Variants in GRIP1 observed in about 807,000 individuals in gnomAD.
GRIP1 encodes the protein glutamate receptor interacting protein 1.
A neutral mutation model predicts 129.9 loss-of-function variants in GRIP1; 45 were observed. That is an observed-to-expected ratio of 0.35 (90% CI 0.27 to 0.44). The LOEUF (loss-of-function observed/expected upper bound fraction) is 0.44. GRIP1 is among the 20% of genes least tolerant of loss of function. GRIP1 has a pLI of 1.00. For synonymous variants in GRIP1, 530 were observed against 520.8 expected (o/e 1.02, Z -0.24); for missense variants, 1,196 against 1,396.8 (o/e 0.86, Z 2.29).
At chr12:66,636,256 G>A (rs1469752885) in intron 1 of GRIP1, among the ~76,000 whole-genome samples, 1 of 152,152 alleles carries the variant, frequency 6.6e-6, no homozygotes, top group Non-Finnish European at 1.5e-5. Context: ...GCTGACAGGA[G>A]AGGGAACGGG....
At chr12:67,069,334 G>C (rs1242368173), upstream of GRIP1, among the ~76,000 whole-genome samples, 1 of 126,108 alleles carries the variant, frequency 7.9e-6, no homozygotes, top group African/African-American at 2.9e-5. Context: ...GGCGGCGGCC[G>C]GGCCGGGCCG....
intron 1 of GRIP1, among the ~76,000 whole-genome samples, chr12:66,840,321 C>A (rs959853373): frequency 3.3e-5 from 5 of 152,094 alleles, no homozygotes; most frequent in African/African-American, 1.2e-4. Flanking sequence ...TATTAAGGAA[C>A]AATAATGAGC....
chr12:66,853,056 A>G (rs888167869), intron 1 of GRIP1, among the ~76,000 whole-genome samples: 6 of 151,744 alleles, frequency 4.0e-5, no homozygotes, highest in African/African-American at 1.5e-4. Context: ...TTCCCTCAAT[A>G]AGCATGAAAA....
chr12:66,793,281 T>C (rs969951876), intron 1 of GRIP1, among the ~76,000 whole-genome samples: 1 of 152,182 alleles, frequency 6.6e-6, no homozygotes, highest in Non-Finnish European at 1.5e-5. Flanking sequence ...CACAGGACAA[T>C]GTCACAGCCC....
chr12:66,497,776 C>T (rs886352140), intron 7 of GRIP1, among the ~76,000 whole-genome samples: 12 of 152,098 alleles, frequency 7.9e-5, no homozygotes, highest in Non-Finnish European at 1.5e-4. Context: ...GAACTGTGTA[C>T]GTCAGGCCTC....
chr12:66,377,484 C>T lies in GRIP1; in HGVS notation c.2622-199G>A, dbSNP rs373907929. Among the ~76,000 whole-genome samples, 18 of 150,930 alleles carry T rather than the reference C, an allele frequency of 1.2e-4. No homozygotes were observed. In the East Asian group the frequency reaches 3.5e-3, roughly 29 times the overall value. ...CTGGGACTACAGGCGCCTGCCACCA[C>T]GCCTGGCTAATTTTTTTTTTTTTTT... On this transcript the variant is annotated intron_variant, in intron 20 of 24. Transcript: ENST00000359742.
intron 1 of GRIP1, among the ~76,000 whole-genome samples, chr12:66,931,709 A>C (rs2041398876): frequency 6.6e-6 from 1 of 152,216 alleles, no homozygotes; most frequent in Non-Finnish European, 1.5e-5. Context: ...ATTCAACCCC[A>C]GAAATTAGAA....
At chr12:66,369,706 C>T (rs905732153) in intron 23 of GRIP1, among the ~76,000 whole-genome samples, 1 of 152,104 alleles carries the variant, frequency 6.6e-6, no homozygotes, top group African/African-American at 2.4e-5. Context: ...AACAGAACTG[C>T]ACAGAAGAGG....
At chr12:66,697,258 T>C (rs557821953) in intron 1 of GRIP1, among the ~76,000 whole-genome samples, 7 of 152,202 alleles carry the variant, frequency 4.6e-5, no homozygotes, top group Non-Finnish European at 1.0e-4. Flanking sequence ...CTGTAACTTA[T>C]TTCCTTTTGC....
In GRIP1 at chr12:66,531,266, T is replaced by A. The variant is rs1167248013; in HGVS notation, c.419-1352A>T. Among the ~76,000 whole-genome samples, 2 of 10,142 alleles carry A rather than the reference T, an allele frequency of 2.0e-4. 1 individual carries two copies. The highest frequency in any genetic ancestry group is 6.4e-3 in the East Asian group (2 of 312). 6.7% of individuals were successfully genotyped at this position (10,142 alleles called of 152,430 possible). A position where few individuals can be genotyped will look rare whatever the true frequency, so the allele number is the denominator to read the frequency against. ...AAAAAAAAAAAAATATATATATATATATATATATATATATATATATATATA... is the reference window on the plus strand; with the variant it reads ...AAAAAAAAAAAAATATATATATATAAATATATATATATATATATATATATA... On this transcript the variant is annotated intron_variant, in intron 4 of 24. Transcript: ENST00000359742.
chr12:66,684,217 A>T (rs113231524), intron 1 of GRIP1, among the ~76,000 whole-genome samples: 12 of 152,334 alleles, frequency 7.9e-5, no homozygotes, highest in African/African-American at 2.9e-4. Flanking sequence ...ACTCTTCCTT[A>T]AATTAGCTCC....
In GRIP1 at chr12:66,407,089, T is replaced by C. The variant is rs150476652; in HGVS notation, c.1839-661A>G. On this transcript the variant is annotated intron_variant, in intron 15 of 24. Coordinates refer to ENST00000359742, the MANE Select transcript of GRIP1 (RefSeq NM_001366722.1). The stretch of plus-strand genomic sequence containing the variant: ...GTATATGTTTCTATGTGTGTATATG[T>C]ATATATACACAGATTTGTAAGAACA... Among the ~76,000 whole-genome samples, 70 of 152,312 alleles carry C rather than the reference T, an allele frequency of 4.6e-4. No individual in the cohort carries two copies. The East Asian group carries it at 0.013, about 29-fold the overall frequency.
intron 15 of GRIP1, among the ~76,000 whole-genome samples, chr12:66,408,732 T>G (rs6581681): frequency 0.72 from 109,537 of 151,982 alleles, 39,961 homozygotes; most frequent in Non-Finnish European, 0.8. Context: ...GGCTCTTGGG[T>G]TCCCTGATTC....
intron 1 of GRIP1, among the ~76,000 whole-genome samples, chr12:66,841,127 G>A (rs985520093): frequency 6.6e-6 from 1 of 152,008 alleles, no homozygotes; most frequent in Non-Finnish European, 1.5e-5. Context: ...GTACAGCTGA[G>A]GTCACAAAGA....
At chr12:66,561,693 A>T (rs1291078212) in intron 2 of GRIP1, among the ~76,000 whole-genome samples, 1 of 152,058 alleles carries the variant, frequency 6.6e-6, no homozygotes, top group Non-Finnish European at 1.5e-5. Context: ...CTAATCTCTG[A>T]ACTGTAAAAT....
chr12:66,777,209 C>T (rs1174631248), intron 1 of GRIP1, among the ~76,000 whole-genome samples: 1 of 152,112 alleles, frequency 6.6e-6, no homozygotes, highest in Non-Finnish European at 1.5e-5. Flanking sequence ...CTGCACTCCC[C>T]ACCCTGACCT....
At chr12:66,853,341 T>C (rs1043318059) in intron 1 of GRIP1, among the ~76,000 whole-genome samples, 2 of 151,976 alleles carry the variant, frequency 1.3e-5, no homozygotes, top group African/African-American at 4.8e-5. Flanking sequence ...GCATTAGATA[T>C]ACGGCTTCAT....
chr12:66,695,307 A>G (rs1454321044), intron 1 of GRIP1, among the ~76,000 whole-genome samples: 1 of 151,750 alleles, frequency 6.6e-6, no homozygotes, highest in African/African-American at 2.4e-5. Context: ...GTTTACACAA[A>G]TTCTGACCAG....
intron 1 of GRIP1, among the ~76,000 whole-genome samples, chr12:66,655,565 G>A (rs533798824): frequency 1.4e-4 from 21 of 149,120 alleles, no homozygotes; most frequent in Non-Finnish European, 2.4e-4. Context: ...ATAATGACAC[G>A]TATCCACCAT....
Sources: allele counts gnomAD v4.1 joint callset (sites outside exome capture counted in the v4.1 genomes callset), GRCh38; gene constraint gnomAD v4.1.1; transcripts MANE v1.5; gene names NCBI Gene and HGNC (gene_info 2026-07-23, HGNC 2026-07-21).